The following KLHDC10 variants were observed in gnomAD, a reference collection of about 807,000 sequenced individuals.
KLHDC10 encodes kelch domain-containing protein 10.
Under a neutral mutation model 56.1 loss-of-function variants are expected in KLHDC10, and 24 were observed. That is an observed-to-expected ratio of 0.43 (90% CI 0.31 to 0.60). The LOEUF is 0.60. Among genes scored for constraint, KLHDC10 ranks in the 20% least tolerant of loss-of-function variants. The pLI is 0.11. For missense variants in KLHDC10, 349 were observed against 567.0 expected, an observed-to-expected ratio of 0.62 and a Z score of 3.91; for synonymous variants, 188 against 207.1, an observed-to-expected ratio of 0.91 and a Z score of 0.79.
At chr7:130,114,076 C>A (rs1345203768) in intron 2 of KLHDC10, among the ~76,000 whole-genome samples, 1 of 152,120 alleles carries the variant, frequency 6.6e-6, no homozygotes, top group African/African-American at 2.4e-5. Context: ...TTTTAATCTT[C>A]CCTGTCGCTG....
chr7:130,106,005 T>C (rs1796002280), intron 2 of KLHDC10, among the ~76,000 whole-genome samples: 1 of 152,064 alleles, frequency 6.6e-6, no homozygotes, highest in East Asian at 1.9e-4. Flanking sequence ...CAAAATTAGC[T>C]GGGCATGGTG....
chr7:130,089,743 C>T (rs867853604), intron 1 of KLHDC10, among the ~76,000 whole-genome samples: 15 of 152,104 alleles, frequency 9.9e-5, no homozygotes, highest in African/African-American at 2.4e-4. Flanking sequence ...AACTGTGCAG[C>T]GATTCCAAAT....
chr7:130,094,668 C>T (rs998453609), intron 1 of KLHDC10, among the ~76,000 whole-genome samples: 3 of 151,854 alleles, frequency 2.0e-5, no homozygotes, highest in African/African-American at 7.3e-5. Flanking sequence ...TTGTATTTTT[C>T]ATTTGCAATA....
intron 3 of KLHDC10, among the ~76,000 whole-genome samples, chr7:130,118,362 C>T (rs72607769): frequency 0.16 from 24,370 of 152,012 alleles, 2,318 homozygotes; most frequent in East Asian, 0.31. Context: ...AACATTTCTT[C>T]TGCAGCTTCC....
intron 1 of KLHDC10, among the ~76,000 whole-genome samples, chr7:130,079,949 C>G (rs539288302): frequency 1.5e-5 from 2 of 133,406 alleles, no homozygotes; most frequent in Non-Finnish European, 1.6e-5. Context: ...TCCCTCCCTT[C>G]CTCCCTTTCT....
intron 6 of KLHDC10, 79 bp downstream of exon 6, chr7:130,124,614 G>T: frequency 1.3e-6 from 1 of 748,578 alleles, no homozygotes; most frequent in South Asian, 1.7e-5. Context: ...AGATAATTCT[G>T]TTACTTTGGA....
intron 2 of KLHDC10, among the ~76,000 whole-genome samples, chr7:130,106,676 A>G (rs1796011835): frequency 1.3e-5 from 2 of 152,338 alleles, no homozygotes; most frequent in East Asian, 3.9e-4. Flanking sequence ...TGTATGTTAC[A>G]TTTGAATACA....
intron 2 of KLHDC10, among the ~76,000 whole-genome samples, chr7:130,109,831 G>T (rs1189078355): frequency 6.6e-6 from 1 of 151,980 alleles, no homozygotes; most frequent in African/African-American, 2.4e-5. Flanking sequence ...TAGAGATAGG[G>T]TTTCACCATG....
chr7:130,131,429 TG>T lies in KLHDC10; in HGVS notation c.*685del. The T allele has an allele frequency of 6.6e-6, 1 of 152,412 alleles. No homozygotes were observed. Among genetic ancestry groups the T allele is most frequent in the Admixed American group, 6.5e-5 (1 of 15,304 alleles). 9.4% of individuals were successfully genotyped at this position (152,412 alleles called of 1,614,324 possible). On this transcript the variant is annotated 3_prime_UTR_variant, in exon 10 of 10. Transcript: ENST00000335420. ...TCATGGTGCCAGCAGTGGTTAGAGT[TG>T]GTTTGTCAAAAGACTTACGTGTGTG...
chr7:130,114,320 G>C (rs1796139887), intron 2 of KLHDC10, among the ~76,000 whole-genome samples: 1 of 152,190 alleles, frequency 6.6e-6, no homozygotes, highest in African/African-American at 2.4e-5. Flanking sequence ...CCGAGGCTTG[G>C]TTATAGAAAG....
chr7:130,120,558 A>T lies in KLHDC10; in HGVS notation c.476-191A>T, dbSNP rs1796234819. Among the ~76,000 whole-genome samples, 1 of 152,204 alleles carries T rather than the reference A, an allele frequency of 6.6e-6. No homozygotes were observed. Among genetic ancestry groups the T allele is most frequent in the Non-Finnish European group, 1.5e-5 (1 of 68,038 alleles). On this transcript the variant is annotated intron_variant, in intron 3 of 9. Transcript: ENST00000335420. The surrounding 1 kb of genome is among the most constrained non-coding windows in gnomAD (Gnocchi z 5.1). Reference sequence around the variant, plus strand: ...TCATTGTTGGTGCGCAAAAAGTCTAATTCGGATTTTGAATTAGACTTCAGA... The same window carrying T: ...TCATTGTTGGTGCGCAAAAAGTCTATTTCGGATTTTGAATTAGACTTCAGA...
At position 130,116,395 on chromosome 7, in the gene KLHDC10, G is replaced by T. The variant is rs1226643021; in HGVS notation, c.254-50G>T. 1 of 1,454,894 alleles carries T rather than the reference G, an allele frequency of 6.9e-7. No homozygotes were observed. Among genetic ancestry groups the T allele is most frequent in the East Asian group, 2.3e-5 (1 of 42,668 alleles). The allele number at this position is 1,454,894 out of a possible 1,614,324, so 90.1% of individuals were successfully genotyped here. A position where few individuals can be genotyped will look rare whatever the true frequency, so the allele number is the denominator to read the frequency against. On this transcript the variant is annotated intron_variant, in intron 2 of 9. Coordinates refer to ENST00000335420, the MANE Select transcript of KLHDC10 (RefSeq NM_014997.4). The surrounding 1 kb of genome is among the most constrained non-coding windows in gnomAD (Gnocchi z 4.8). ...ATGGTTGTTACCTAATTTTGTTTGT[G>T]CTTTTAAACTGGTAGGACACCTGTG...
chr7:130,133,775 A>G lies in KLHDC10; in HGVS notation c.*3029A>G, dbSNP rs1193746490. ...ACACTAACCATTCTCCTATGTATAT[A>G]CTAATTTATCTGGGAATGTAATACT... On this transcript the variant is annotated 3_prime_UTR_variant, in exon 10 of 10. Coordinates refer to ENST00000335420, the MANE Select transcript of KLHDC10 (RefSeq NM_014997.4). The G allele has an allele frequency of 6.6e-6, 1 of 152,226 alleles. No individual in the cohort carries two copies. The highest frequency in any genetic ancestry group is 1.9e-4 in the East Asian group (1 of 5,200). 9.4% of individuals were successfully genotyped at this position (152,226 alleles called of 1,614,324 possible). A position where few individuals can be genotyped will look rare whatever the true frequency, so the allele number is the denominator to read the frequency against.
Position 130,077,361 on chromosome 7 carries a change from A to AC in KLHDC10, c.166+6552_166+6553insC, listed in dbSNP as rs1259986696. ...TGAACAAGACTCTGTCTCAAAAAAAAAAAAAAAAAAAAAAAAAAAAACAGT... is the reference window on the plus strand; with the variant it reads ...TGAACAAGACTCTGTCTCAAAAAAAACAAAAAAAAAAAAAAAAAAAAACAGT... On this transcript the variant is annotated intron_variant, in intron 1 of 9. Coordinates refer to ENST00000335420, the MANE Select transcript of KLHDC10 (RefSeq NM_014997.4). 2.2e-4 allele frequency among the ~76,000 whole-genome samples: 33 copies of AC among 147,238 alleles called. No homozygotes were observed. In the East Asian group the frequency reaches 6.4e-3, roughly 29 times the overall value.
At position 130,088,629 on chromosome 7, in the gene KLHDC10, TTTTCTTTC is replaced by T. The variant is rs538858281; in HGVS notation, c.167-8276_167-8269del. ...TTCTAGTTTGGTTTTTTGTTTTTCT[TTTTCTTTC>T]TTTCTTTCTTTCTTTTTTTTTTTTT... On this transcript the variant is annotated intron_variant, in intron 1 of 9. Transcript: ENST00000335420. 4.9e-3 allele frequency among the ~76,000 whole-genome samples: 740 copies of T among 151,026 alleles called. 5 individuals are homozygous for T. The highest frequency in any genetic ancestry group is 0.017 in the African/African-American group (689 of 41,112).
intron 2 of KLHDC10, among the ~76,000 whole-genome samples, chr7:130,099,153 T>C (rs1444625642): frequency 1.3e-5 from 2 of 152,222 alleles, no homozygotes; most frequent in East Asian, 3.8e-4. Context: ...CCTACCTCTT[T>C]GATTGTTCAT....
In KLHDC10 at chr7:130,130,381, A is replaced by G. The variant is rs1488984727; in HGVS notation, c.1120-156A>G. ...TTTTTCCCTTAGTAATTCATTAATTATTTAAACCCTCTTGATCTCCACATG... is the reference window on the plus strand; with the variant it reads ...TTTTTCCCTTAGTAATTCATTAATTGTTTAAACCCTCTTGATCTCCACATG... On this transcript the variant is annotated intron_variant, in intron 9 of 9. Coordinates refer to ENST00000335420, the MANE Select transcript of KLHDC10 (RefSeq NM_014997.4). This position sits in a 1 kb window ranked among gnomAD's most constrained non-coding sequence, Gnocchi z 4.2. 6.7e-6 allele frequency among the ~76,000 whole-genome samples: 1 copy of G among 149,572 alleles called. No homozygotes were observed. The highest frequency in any genetic ancestry group is 1.5e-5 in the Non-Finnish European group (1 of 67,724).
rs72380761 is a variant in KLHDC10 at position 130,130,337 on chromosome 7, C to CATAT, written c.1120-186_1120-183dup. On this transcript the variant is annotated intron_variant, in intron 9 of 9. Coordinates refer to ENST00000335420, the MANE Select transcript of KLHDC10 (RefSeq NM_014997.4). The surrounding 1 kb of genome is among the most constrained non-coding windows in gnomAD (Gnocchi z 4.2). ...ACTCTGTCTCAAAAAAAAAAAAAAT[C>CATAT]ATATATATATATATATAGTTTTTCC... Among the ~76,000 whole-genome samples, 7,685 of 140,618 alleles carry CATAT rather than the reference C, an allele frequency of 0.055. 275 individuals carry two copies. The highest frequency in any genetic ancestry group is 0.092 in the African/African-American group (3,398 of 36,918). The allele number at this position is 140,618 out of a possible 152,430, so 92.3% of individuals were successfully genotyped here.
At chr7:130,103,309 C>T (rs1190896748) in intron 2 of KLHDC10, among the ~76,000 whole-genome samples, 2 of 151,840 alleles carry the variant, frequency 1.3e-5, no homozygotes, top group African/African-American at 2.4e-5. Flanking sequence ...GCCTGTAATC[C>T]CCGCTACTCG....
Sources: allele counts gnomAD v4.1 joint callset (sites outside exome capture counted in the v4.1 genomes callset), GRCh38; gene constraint gnomAD v4.1.1; non-coding constraint Gnocchi (gnomAD v3.1); transcripts MANE v1.5; gene names NCBI Gene and HGNC (gene_info 2026-07-23, HGNC 2026-07-21).